The following PDE11A variants were observed in gnomAD, a reference collection of about 807,000 sequenced individuals.
PDE11A encodes dual 3',5'-cyclic-AMP and -GMP phosphodiesterase 11A.
In PDE11A, 100 loss-of-function variants were observed where a neutral mutation model predicts 100.5. The ratio of observed to expected loss-of-function variants is 1.00; its 90% CI spans 0.85 to 1.18. The LOEUF is 1.18. Among genes scored for constraint, PDE11A ranks in the 50% most tolerant of loss-of-function variants. The pLI, the probability that PDE11A is intolerant of heterozygous loss-of-function variation, is 0.00. For missense variants in PDE11A, 1,141 were observed against 1,152.6 expected (o/e 0.99, Z 0.15); for synonymous variants, 381 against 420.8 (o/e 0.91, Z 1.16).
intron 12 of PDE11A, among the ~76,000 whole-genome samples, chr2:177,714,223 G>C (rs1319412788): frequency 6.6e-6 from 1 of 151,964 alleles, no homozygotes; most frequent in Non-Finnish European, 1.5e-5. Flanking sequence ...TCGATCTACT[G>C]ACCTTGTGAT....
At chr2:177,652,801 G>T (rs1023437428) in intron 19 of PDE11A, among the ~76,000 whole-genome samples, 1 of 152,188 alleles carries the variant, frequency 6.6e-6, no homozygotes, top group African/African-American at 2.4e-5. Context: ...TTAGCTTTTT[G>T]ATGGCAATGG....
At chr2:177,779,758 C>T (rs1258877650) in intron 9 of PDE11A, among the ~76,000 whole-genome samples, 1 of 152,186 alleles carries the variant, frequency 6.6e-6, no homozygotes. Context: ...CCTTCAAATT[C>T]AGACATGAGG....
At chr2:178,070,142 G>T (rs1316534601) in intron 1 of PDE11A, among the ~76,000 whole-genome samples, 1 of 152,068 alleles carries the variant, frequency 6.6e-6, no homozygotes, top group Non-Finnish European at 1.5e-5. Flanking sequence ...GGATTGTAGA[G>T]GAATAAACAC....
chr2:178,008,871 G>A (rs1265418396), intron 2 of PDE11A, among the ~76,000 whole-genome samples: 1 of 152,078 alleles, frequency 6.6e-6, no homozygotes, highest in Non-Finnish European at 1.5e-5. Flanking sequence ...AGAGCAGCAG[G>A]GTAACCAAAC....
chr2:177,853,680 A>ATGTGTGTG (rs1212022176), intron 5 of PDE11A, among the ~76,000 whole-genome samples: 15 of 36,532 alleles, frequency 4.1e-4, no homozygotes, highest in African/African-American at 1.3e-3. Context: ...ATATATATAT[A>ATGTGTGTG]TGTGTGTGTG....
At position 177,898,159 on chromosome 2, in the gene PDE11A, T is replaced by G; in HGVS notation, c.1201A>C (p.Thr401Pro). 1 of 1,609,378 alleles carries G rather than the reference T, an allele frequency of 6.2e-7. No homozygotes were observed. The highest frequency in any genetic ancestry group is 8.5e-7 in the Non-Finnish European group (1 of 1,175,646). ...TTCTTGACAATTTTCTCCAGGTCAG[T>G]CTGTTCTTCAAAGAGGTCATTAACC... ...EVVNDLFEEQTDLEKIVKKIM... is the reference protein window; with the variant it reads ...EVVNDLFEEQPDLEKIVKKIM... The change falls in exon 4 of 20, where the codon ACT becomes CCT. Residue 401 changes from threonine (T) to proline (P), a missense_variant. Transcript: ENST00000286063.
intron 2 of PDE11A, among the ~76,000 whole-genome samples, chr2:177,966,147 G>A (rs1220517449): frequency 1.3e-5 from 2 of 152,026 alleles, no homozygotes; most frequent in African/African-American, 2.4e-5. Context: ...TCTTGATTTG[G>A]CTCTCAGCTT....
intron 9 of PDE11A, among the ~76,000 whole-genome samples, chr2:177,777,635 C>T (rs185280861): frequency 1.0e-3 from 156 of 152,114 alleles, no homozygotes; most frequent in African/African-American, 3.8e-3. Flanking sequence ...TACCTTTGAT[C>T]AAGTAAAAAT....
chr2:177,861,306 T>A (rs1233565154), intron 5 of PDE11A, among the ~76,000 whole-genome samples: 1 of 151,040 alleles, frequency 6.6e-6, no homozygotes, highest in Non-Finnish European at 1.5e-5. Context: ...CAAATCAAAT[T>A]TAAGAAAATA....
At position 177,666,467 on chromosome 2, in the gene PDE11A, T is replaced by C. The variant is rs1201573905; in HGVS notation, c.2563-2518A>G. Among the ~76,000 whole-genome samples, 4 of 152,228 alleles carry C rather than the reference T, an allele frequency of 2.6e-5. 1 individual carries two copies. The highest frequency in any genetic ancestry group is 5.9e-5 in the Non-Finnish European group (4 of 68,036). The stretch of plus-strand genomic sequence containing the variant: ...TAACTCTGTTTAACTTTTTGAGGAA[T>C]TGACAAACTGTTTTTCAAAACAGCT... On this transcript the variant is annotated intron_variant, in intron 18 of 19. Coordinates refer to ENST00000286063, the MANE Select transcript of PDE11A (RefSeq NM_016953.4).
intron 15 of PDE11A, among the ~76,000 whole-genome samples, chr2:177,689,434 G>A (rs2081008569): frequency 1.3e-5 from 2 of 152,310 alleles, no homozygotes; most frequent in South Asian, 4.1e-4. Flanking sequence ...GTTGCAGGGT[G>A]CACAGATGTG....
intron 19 of PDE11A, among the ~76,000 whole-genome samples, chr2:177,657,585 G>A (rs915228897): frequency 1.3e-5 from 2 of 151,860 alleles, no homozygotes; most frequent in African/African-American, 4.8e-5. Flanking sequence ...GTTCCCATCA[G>A]GAAAAGCAAA....
At position 177,728,081 on chromosome 2, in the gene PDE11A, G is replaced by A; in HGVS notation, c.1880C>T (p.Ala627Val). Reference sequence around the variant, plus strand: ...CCCCAGCTCCATGAACATCCGGAGAGCAGCTGTGATCATGGCATCAACGTC... The same window carrying A: ...CCCCAGCTCCATGAACATCCGGAGAACAGCTGTGATCATGGCATCAACGTC... ...SLDVDAMITA[A>V]LRMFMELGMV... Residue 627 changes from alanine to valine, a missense_variant, in exon 11 of 20, where the codon GCT becomes GTT. Transcript: ENST00000286063. 1.2e-6 allele frequency: 2 copies of A among 1,612,652 alleles called. No individual in the cohort carries two copies. The highest frequency in any genetic ancestry group is 1.7e-6 in the Non-Finnish European group (2 of 1,178,794).
intron 2 of PDE11A, among the ~76,000 whole-genome samples, chr2:177,934,354 C>T (rs1454470115): frequency 6.6e-6 from 1 of 152,164 alleles, no homozygotes; most frequent in Admixed American, 6.5e-5. Context: ...CAGAAGAAGA[C>T]ATACAAGTGG....
chr2:177,907,643 T>G (rs76595751), intron 2 of PDE11A, among the ~76,000 whole-genome samples: 2,836 of 152,328 alleles, frequency 0.019, 52 homozygotes, highest in South Asian at 0.046. Context: ...ACTGGCTGTA[T>G]CTTTCTGGAA....
rs559334566 is a variant in PDE11A, at chr2:177,855,338, G to A, written c.1368-14955C>T. On this transcript the variant is annotated intron_variant, in intron 5 of 19. Transcript: ENST00000286063. ...GCAGAGTAGATCACTGAAAATTTGC[G>A]CCTCCATAAAAGCAGCGAGAATACT... Among the ~76,000 whole-genome samples the A allele has an allele frequency of 4.6e-5, 7 of 151,906 alleles. No homozygotes were observed. The South Asian group carries it at 1.5e-3, about 32-fold the overall frequency.
chr2:177,642,167 G>T (rs935649703), intron 19 of PDE11A, among the ~76,000 whole-genome samples: 6 of 152,166 alleles, frequency 3.9e-5, no homozygotes, highest in African/African-American at 1.4e-4. Flanking sequence ...TTATCTTCAG[G>T]AATATCTCAT....
chr2:177,855,652 T>A (rs1437116836), intron 5 of PDE11A, among the ~76,000 whole-genome samples: 1 of 152,012 alleles, frequency 6.6e-6, no homozygotes, highest in Non-Finnish European at 1.5e-5. Context: ...CATGGAAACC[T>A]CCATTCACAG....
intron 3 of PDE11A, among the ~76,000 whole-genome samples, chr2:177,902,204 C>T (rs932167109): frequency 1.1e-4 from 16 of 152,298 alleles, no homozygotes; most frequent in African/African-American, 3.4e-4. Context: ...GTGATTTGTT[C>T]CTGCCCCACC....
Sources: gnomAD v4.1 joint callset for allele counts (sites outside exome capture counted in the v4.1 genomes callset) on GRCh38, gnomAD v4.1.1 for gene constraint, MANE v1.5 for transcripts, NCBI Gene and HGNC (gene_info 2026-07-23, HGNC 2026-07-21) for gene names.